Variants in SLAIN2 observed in about 807,000 individuals in gnomAD.
SLAIN2 encodes the protein SLAIN motif-containing protein 2.
In SLAIN2, 31 loss-of-function variants were observed where a neutral mutation model predicts 56.6. The ratio of observed to expected loss-of-function variants is 0.55; its 90% CI spans 0.41 to 0.74. The LOEUF (loss-of-function observed/expected upper bound fraction) is 0.74. Ranked by LOEUF, SLAIN2 falls within the 30% of genes least tolerant of loss-of-function variation. The pLI, the probability that SLAIN2 is intolerant of heterozygous loss-of-function variation, is 0.00. For missense variants in SLAIN2, 777 were observed against 754.2 expected (o/e 1.03, Z -0.35); for synonymous variants, 317 against 284.9 (o/e 1.11, Z -1.13).
chr4:48,342,711 C>CTGTTTTTT, intron 1 of SLAIN2, among the ~76,000 whole-genome samples: 1 of 65,938 alleles, frequency 1.5e-5, no homozygotes, highest in African/African-American at 6.3e-5. Flanking sequence ...GATGGTGCTG[C>CTGTTTTTT]TTTTTTTTTT....
chr4:48,378,154 T>G (rs1002428452), intron 3 of SLAIN2, 94 bp downstream of exon 3: 53 of 1,387,500 alleles, frequency 3.8e-5, no homozygotes, highest in Non-Finnish European at 5.1e-5. Context: ...CGAGTTCATT[T>G]TATTTATGAA....
intron 2 of SLAIN2, among the ~76,000 whole-genome samples, chr4:48,372,003 C>CACACACACAT (rs1715680814): frequency 6.6e-6 from 1 of 150,868 alleles, no homozygotes; most frequent in African/African-American, 2.4e-5. Context: ...CGCACACACA[C>CACACACACAT]ACACACACAT....
chr4:48,363,882 C>T (rs1311753698), intron 1 of SLAIN2, among the ~76,000 whole-genome samples: 1 of 141,554 alleles, frequency 7.1e-6, no homozygotes, highest in Non-Finnish European at 1.6e-5. Flanking sequence ...CGGGCAGAGG[C>T]GCCCCTCACC....
At chr4:48,405,787 G>A (rs1425662586) in intron 6 of SLAIN2, among the ~76,000 whole-genome samples, 2 of 151,962 alleles carry the variant, frequency 1.3e-5, no homozygotes, top group East Asian at 1.9e-4. Context: ...TCAAAATACT[G>A]TATAAAGAGA....
chr4:48,379,258 A>G (rs949299167), intron 3 of SLAIN2, among the ~76,000 whole-genome samples: 11 of 152,154 alleles, frequency 7.2e-5, no homozygotes, highest in African/African-American at 2.2e-4. Flanking sequence ...TTTCTCATTT[A>G]GAAAAATGAG....
chr4:48,373,574 G>A (rs1215254668), intron 2 of SLAIN2, among the ~76,000 whole-genome samples: 1 of 151,824 alleles, frequency 6.6e-6, no homozygotes, highest in Non-Finnish European at 1.5e-5. Flanking sequence ...CACTGTACTG[G>A]CACTTAATGG....
chr4:48,379,288 G>A (rs1287942598), intron 3 of SLAIN2, among the ~76,000 whole-genome samples: 1 of 152,074 alleles, frequency 6.6e-6, no homozygotes, highest in Non-Finnish European at 1.5e-5. Context: ...GATGGTGTTT[G>A]TCAATGACTG....
intron 6 of SLAIN2, among the ~76,000 whole-genome samples, chr4:48,406,981 A>C (rs1248837727): frequency 1.3e-5 from 2 of 152,082 alleles, no homozygotes; most frequent in East Asian, 3.8e-4. Flanking sequence ...AGTATTGATC[A>C]TTCTGAGCTG....
chr4:48,343,952 A>G (rs1015568474), intron 1 of SLAIN2, among the ~76,000 whole-genome samples: 5 of 152,248 alleles, frequency 3.3e-5, no homozygotes, highest in Non-Finnish European at 4.4e-5. Context: ...AAGTGATGAT[A>G]ATAAAATGAT....
At chr4:48,384,391 TTTG>T (rs1716049038) in intron 6 of SLAIN2, among the ~76,000 whole-genome samples, 1 of 152,210 alleles carries the variant, frequency 6.6e-6, no homozygotes, top group Non-Finnish European at 1.5e-5. Context: ...ATTTTCTGTG[TTTG>T]TTAAGGCTAT....
At chr4:48,373,240 T>C (rs1715717754) in intron 2 of SLAIN2, among the ~76,000 whole-genome samples, 1 of 152,198 alleles carries the variant, frequency 6.6e-6, no homozygotes, top group Non-Finnish European at 1.5e-5. Context: ...GTCACTATCA[T>C]ATCCAGGTGA....
intron 6 of SLAIN2, among the ~76,000 whole-genome samples, chr4:48,410,816 C>T (rs1560465358): frequency 6.6e-6 from 1 of 152,168 alleles, no homozygotes; most frequent in Non-Finnish European, 1.5e-5. Context: ...CTAACATCAG[C>T]GTTACAGACC....
chr4:48,366,078 A>G (rs559942195), intron 1 of SLAIN2, among the ~76,000 whole-genome samples: 1 of 152,162 alleles, frequency 6.6e-6, no homozygotes, highest in South Asian at 2.1e-4. Context: ...GACCTTTGTT[A>G]TTTGTAAGTA....
chr4:48,376,822 A>C (rs1715827386), intron 2 of SLAIN2, among the ~76,000 whole-genome samples: 1 of 148,740 alleles, frequency 6.7e-6, no homozygotes, highest in Non-Finnish European at 1.5e-5. Context: ...ACGGGGTTTC[A>C]CCGTGGTCTC....
At chr4:48,378,621 T>C (rs1229755493) in intron 3 of SLAIN2, among the ~76,000 whole-genome samples, 6 of 152,196 alleles carry the variant, frequency 3.9e-5, no homozygotes, top group African/African-American at 1.4e-4. Flanking sequence ...CTGAAGCTGT[T>C]GTTATGACTG....
chr4:48,400,901 CT>C (rs1289434549), intron 6 of SLAIN2, among the ~76,000 whole-genome samples: 1 of 152,082 alleles, frequency 6.6e-6, no homozygotes, highest in South Asian at 2.1e-4. Flanking sequence ...GATTTGAGAT[CT>C]TTCTAGCTTT....
At chr4:48,344,061 G>A (rs111939509) in intron 1 of SLAIN2, among the ~76,000 whole-genome samples, 164 of 145,074 alleles carry the variant, frequency 1.1e-3, no homozygotes, top group Non-Finnish European at 2.0e-3. Context: ...TTAAGTCTTT[G>A]GCTGCTTTGG....
chr4:48,380,023 C>G (rs182895971), intron 4 of SLAIN2, among the ~76,000 whole-genome samples, 175 bp downstream of exon 4: 1 of 152,030 alleles, frequency 6.6e-6, no homozygotes, highest in Non-Finnish European at 1.5e-5. Flanking sequence ...AACTTGTTTT[C>G]AGAGTCCATT....
At chr4:48,389,726 G>A (rs1429719707) in intron 6 of SLAIN2, among the ~76,000 whole-genome samples, 1 of 152,252 alleles carries the variant, frequency 6.6e-6, no homozygotes, top group African/African-American at 2.4e-5. Context: ...GGCAGCCTGA[G>A]TATAGTGGTT....
Sources: gnomAD v4.1 joint callset for allele counts (sites outside exome capture counted in the v4.1 genomes callset) on GRCh38, gnomAD v4.1.1 for gene constraint, MANE v1.5 for transcripts, NCBI Gene and HGNC (gene_info 2026-07-23, HGNC 2026-07-21) for gene names.